ITGA8: variants seen among roughly 807,000 people sequenced by gnomAD.
The protein encoded by ITGA8 is integrin alpha-8.
Under a neutral mutation model 142.3 loss-of-function variants are expected in ITGA8, and 91 were observed. That is an observed-to-expected ratio of 0.64 (90% CI 0.54 to 0.76). ITGA8 has a LOEUF of 0.76. ITGA8 is among the 30% of genes least tolerant of loss of function. ITGA8 has a pLI of 0.00. For synonymous variants in ITGA8, 505 were observed against 485.2 expected (o/e 1.04, Z -0.54); for missense variants, 1,406 against 1,327.7 (o/e 1.06, Z -0.92).
intron 17 of ITGA8, among the ~76,000 whole-genome samples, chr10:15,607,144 A>G (rs1348018535): frequency 1.3e-5 from 2 of 152,202 alleles, no homozygotes; most frequent in Non-Finnish European, 2.9e-5. Flanking sequence ...TCACAACCTC[A>G]CAACCGGCAA....
intron 8 of ITGA8, among the ~76,000 whole-genome samples, chr10:15,665,591 C>T (rs190610398): frequency 0.058 from 8,886 of 152,130 alleles, 373 homozygotes; most frequent in Non-Finnish European, 0.087. Flanking sequence ...AGTCCTTGCC[C>T]ATGCCTATGT....
At chr10:15,533,213 A>G (rs1235224344) in intron 27 of ITGA8, among the ~76,000 whole-genome samples, 3 of 152,122 alleles carry the variant, frequency 2.0e-5, no homozygotes, top group African/African-American at 7.2e-5. Flanking sequence ...TTTCCTCTAC[A>G]TGGTAAGGGC....
At chr10:15,636,390 A>C (rs1833772433) in intron 13 of ITGA8, among the ~76,000 whole-genome samples, 1 of 152,214 alleles carries the variant, frequency 6.6e-6, no homozygotes, top group Admixed American at 6.5e-5. Context: ...ATGAATTTTG[A>C]TGCTAGAAAT....
chr10:15,569,264 C>G (rs1260122911), intron 25 of ITGA8, among the ~76,000 whole-genome samples: 1 of 152,182 alleles, frequency 6.6e-6, no homozygotes, highest in East Asian at 1.9e-4. Flanking sequence ...GAGCGCCTCT[C>G]TTACAGGCCC....
intron 22 of ITGA8, among the ~76,000 whole-genome samples, chr10:15,590,226 G>C (rs189865668): frequency 3.3e-5 from 5 of 152,266 alleles, no homozygotes; most frequent in Middle Eastern, 3.4e-3. Flanking sequence ...ATGACCCTTT[G>C]TTTTAGATGA....
At chr10:15,530,306 C>T (rs11259725) in intron 28 of ITGA8, among the ~76,000 whole-genome samples, 8 of 151,938 alleles carry the variant, frequency 5.3e-5, no homozygotes, top group Non-Finnish European at 7.4e-5. Context: ...CCAGCACTTT[C>T]GGAGGCTGAG....
chr10:15,529,808 G>C (rs2131540739), intron 28 of ITGA8, among the ~76,000 whole-genome samples: 1 of 152,314 alleles, frequency 6.6e-6, no homozygotes, highest in South Asian at 2.1e-4. Context: ...ACCATCCAAA[G>C]CAGTGCTTCT....
chr10:15,587,402 T>G (rs1233482395), intron 22 of ITGA8, among the ~76,000 whole-genome samples: 1 of 152,196 alleles, frequency 6.6e-6, no homozygotes, highest in Non-Finnish European at 1.5e-5. Context: ...AGAACTGGCA[T>G]GAATAATGCA....
chr10:15,659,796 A>T (rs9333122), intron 9 of ITGA8, among the ~76,000 whole-genome samples: 5 of 152,150 alleles, frequency 3.3e-5, no homozygotes, highest in Admixed American at 3.3e-4. Context: ...AGGCCACATG[A>T]GGATGGAGGC....
intron 4 of ITGA8, among the ~76,000 whole-genome samples, chr10:15,682,966 T>C (rs1339143299): frequency 1.3e-5 from 2 of 152,170 alleles, no homozygotes; most frequent in Non-Finnish European, 2.9e-5. Flanking sequence ...TTCATTTATT[T>C]ATGGCATTTG....
At chr10:15,592,899 G>T (rs1832950378) in intron 21 of ITGA8, among the ~76,000 whole-genome samples, 1 of 152,138 alleles carries the variant, frequency 6.6e-6, no homozygotes, top group African/African-American at 2.4e-5. Flanking sequence ...GCCAGAAATT[G>T]ACTTAGAAAA....
intron 14 of ITGA8, among the ~76,000 whole-genome samples, chr10:15,615,320 A>G (rs1833372513): frequency 6.6e-6 from 1 of 152,216 alleles, no homozygotes; most frequent in African/African-American, 2.4e-5. Flanking sequence ...GGCTGGTACA[A>G]GTCAACCCTC....
At chr10:15,587,139 T>C (rs1002374777) in intron 22 of ITGA8, among the ~76,000 whole-genome samples, 2 of 152,102 alleles carry the variant, frequency 1.3e-5, no homozygotes, top group African/African-American at 4.8e-5. Flanking sequence ...GCCAGGATGG[T>C]CTCTATCTCT....
At chr10:15,525,743 TA>T (rs1432214740) in intron 28 of ITGA8, among the ~76,000 whole-genome samples, 5 of 151,958 alleles carry the variant, frequency 3.3e-5, no homozygotes, top group African/African-American at 9.7e-5. Flanking sequence ...TATTATTTAT[TA>T]ATGATAAAAG....
intron 4 of ITGA8, among the ~76,000 whole-genome samples, chr10:15,680,566 C>T (rs79558833): frequency 6.6e-6 from 1 of 151,996 alleles, no homozygotes; most frequent in Non-Finnish European, 1.5e-5. Context: ...TATATGAATG[C>T]ATGAGATATT....
At chr10:15,630,648 C>G (rs1833668105) in intron 13 of ITGA8, among the ~76,000 whole-genome samples, 1 of 151,910 alleles carries the variant, frequency 6.6e-6, no homozygotes. Flanking sequence ...CAGAGAGACT[C>G]TGAGGCAGAA....
intron 11 of ITGA8, among the ~76,000 whole-genome samples, chr10:15,649,615 C>CA (rs199606150): frequency 0.38 from 33,034 of 87,768 alleles, 4,824 homozygotes; most frequent in Admixed American, 0.46. Context: ...GACTCCGTCT[C>CA]AAAAAAAAAA....
intron 2 of ITGA8, among the ~76,000 whole-genome samples, chr10:15,717,849 T>A (rs1445129871): frequency 6.6e-6 from 1 of 152,238 alleles, no homozygotes; most frequent in Non-Finnish European, 1.5e-5. Flanking sequence ...ATATTCCGCA[T>A]AAATTCCATA....
intron 28 of ITGA8, among the ~76,000 whole-genome samples, chr10:15,522,245 T>A (rs1345683871): frequency 6.6e-6 from 1 of 152,172 alleles, no homozygotes; most frequent in East Asian, 1.9e-4. Flanking sequence ...TAGAAAATAA[T>A]TATTTGCATG....
Sources: gnomAD v4.1 joint callset for allele counts (sites outside exome capture counted in the v4.1 genomes callset) on GRCh38, gnomAD v4.1.1 for gene constraint, MANE v1.5 for transcripts, NCBI Gene and HGNC (gene_info 2026-07-23, HGNC 2026-07-21) for gene names.